The following DAB1 variants were observed in gnomAD, a reference collection of about 807,000 sequenced individuals.
The protein encoded by DAB1 is DAB adaptor protein 1.
In DAB1, 15 loss-of-function variants were observed where a neutral mutation model predicts 64.6. The observed-to-expected ratio is 0.23, with a 90% CI of 0.16 to 0.36. DAB1 has a LOEUF of 0.36. Ranked by LOEUF, DAB1 falls within the 10% of genes least tolerant of loss-of-function variation. The probability of loss-of-function intolerance (pLI) is 1.00; values close to 1 mark genes in which losing one functional copy is unlikely to be tolerated. For missense variants in DAB1, 596 were observed against 706.7 expected, an observed-to-expected ratio of 0.84 and a Z score of 1.78; for synonymous variants, 235 against 251.9, an observed-to-expected ratio of 0.93 and a Z score of 0.64.
intron 2 of DAB1, among the ~76,000 whole-genome samples, chr1:57,272,800 C>T (rs1453994523): frequency 1.3e-5 from 2 of 152,238 alleles, no homozygotes; most frequent in East Asian, 3.9e-4. Flanking sequence ...TCAAGAAATA[C>T]AACTTTCAGC....
chr1:57,857,914 T>C (rs1653831626), intron 1 of DAB1, among the ~76,000 whole-genome samples: 3 of 149,386 alleles, frequency 2.0e-5, no homozygotes, highest in Admixed American at 2.0e-4. Flanking sequence ...TCCAAGGTTC[T>C]TATTTTTAAA....
chr1:57,825,518 G>A (rs1032623347), downstream of DAB1, among the ~76,000 whole-genome samples: 4 of 152,138 alleles, frequency 2.6e-5, no homozygotes, highest in African/African-American at 7.2e-5. Context: ...AAAAGATGAA[G>A]GATCATCACA....
intron 1 of DAB1, among the ~76,000 whole-genome samples, chr1:57,396,004 A>G (rs1338778981): frequency 6.6e-6 from 1 of 152,256 alleles, no homozygotes; most frequent in Non-Finnish European, 1.5e-5. Context: ...ACAGCAGCAT[A>G]GCAGGCAACA....
chr1:57,470,762 C>CA (rs1210168135), intron 7 of DAB1, among the ~76,000 whole-genome samples: 2 of 152,156 alleles, frequency 1.3e-5, no homozygotes, highest in Non-Finnish European at 2.9e-5. Flanking sequence ...AAAATCAGCA[C>CA]AAAAGAGCTA....
chr1:57,247,221 G>C (rs1168237029), intron 2 of DAB1, among the ~76,000 whole-genome samples: 1 of 152,272 alleles, frequency 6.6e-6, no homozygotes, highest in East Asian at 1.9e-4. Flanking sequence ...CACACGTCAG[G>C]AGAGGGGCCT....
intron 1 of DAB1, among the ~76,000 whole-genome samples, chr1:57,371,201 ATGGAGAC>A (rs1680467211): frequency 6.6e-6 from 1 of 152,214 alleles, no homozygotes; most frequent in African/African-American, 2.4e-5. Flanking sequence ...CAACCGAGGC[ATGGAGAC>A]TGAATTTCAA....
At chr1:58,385,884 G>A (rs570450254) in intron 3 of DAB1, among the ~76,000 whole-genome samples, 58 of 152,286 alleles carry the variant, frequency 3.8e-4, no homozygotes, top group African/African-American at 1.4e-3. Context: ...GTCAGAGCGA[G>A]GATTCCTCGT....
At chr1:58,522,065 A>G (rs977082863) in intron 2 of DAB1, among the ~76,000 whole-genome samples, 4 of 152,252 alleles carry the variant, frequency 2.6e-5, no homozygotes, top group Admixed American at 2.6e-4. Flanking sequence ...AAAATTAGGT[A>G]TATTTCCCCA....
chr1:58,351,941 G>A (rs1319565927), intron 3 of DAB1, among the ~76,000 whole-genome samples: 1 of 150,200 alleles, frequency 6.7e-6, no homozygotes, highest in East Asian at 2.0e-4. Flanking sequence ...GGAGTAGGAT[G>A]GGAATGCAAG....
intron 7 of DAB1, among the ~76,000 whole-genome samples, chr1:57,490,715 C>T (rs2691464): frequency 0.1 from 15,975 of 152,148 alleles, 2,155 homozygotes; most frequent in African/African-American, 0.31. Context: ...ATAACTACTG[C>T]TATTTGAACA....
intron 3 of DAB1, among the ~76,000 whole-genome samples, chr1:58,380,463 C>A (rs1372985718): frequency 6.6e-6 from 1 of 152,202 alleles, no homozygotes; most frequent in Non-Finnish European, 1.5e-5. Context: ...TCAGGCAGTT[C>A]TTCATAGCAG....
chr1:57,834,403 A>G lies in DAB1; in HGVS notation n.88-7948T>C, dbSNP rs1401601721. ...CTTTTTTGAACACAGTAGATACTCA[A>G]TGAGTAATTATTGTGGAATAGATAC... On this transcript the variant is annotated intron_variant and non_coding_transcript_variant, in intron 1 of 1. Transcript: ENST00000477280. 2.6e-5 allele frequency among the ~76,000 whole-genome samples: 4 copies of G among 152,176 alleles called. No homozygotes were observed. The East Asian group carries it at 5.8e-4, about 22-fold the overall frequency.
upstream of DAB1, among the ~76,000 whole-genome samples, chr1:57,428,481 A>G (rs1009690471): frequency 3.9e-5 from 6 of 152,206 alleles, no homozygotes; most frequent in African/African-American, 1.4e-4. Context: ...GATGTCGCCA[A>G]TGGTAGGATT....
At chr1:57,343,199 C>A (rs1677775439) in intron 1 of DAB1, among the ~76,000 whole-genome samples, 1 of 152,162 alleles carries the variant, frequency 6.6e-6, no homozygotes, top group Non-Finnish European at 1.5e-5. Context: ...TCCAAGTCCC[C>A]ACCAGAGTAG....
At chr1:58,006,762 G>A (rs1437282476) in intron 5 of DAB1, among the ~76,000 whole-genome samples, 5 of 152,110 alleles carry the variant, frequency 3.3e-5, no homozygotes, top group Non-Finnish European at 5.9e-5. Flanking sequence ...TCCCTCTCTC[G>A]CAAGCACCTC....
chr1:57,674,148 A>G (rs1646539239), intron 6 of DAB1, among the ~76,000 whole-genome samples: 1 of 152,176 alleles, frequency 6.6e-6, no homozygotes, highest in Admixed American at 6.5e-5. Context: ...ATGTGTTTAC[A>G]CCATCTGGTC....
intron 4 of DAB1, among the ~76,000 whole-genome samples, chr1:57,134,652 G>A (rs1657926540): frequency 6.6e-6 from 1 of 151,974 alleles, no homozygotes; most frequent in Non-Finnish European, 1.5e-5. Context: ...ACCTGCACAT[G>A]TACCCCTGAA....
At chr1:57,567,947 A>C (rs1207044065) in intron 7 of DAB1, among the ~76,000 whole-genome samples, 1 of 152,220 alleles carries the variant, frequency 6.6e-6, no homozygotes, top group African/African-American at 2.4e-5. Flanking sequence ...TATGGAACCA[A>C]AAAAGAGCCC....
At chr1:57,694,787 G>A (rs1646804324) in intron 6 of DAB1, among the ~76,000 whole-genome samples, 1 of 151,932 alleles carries the variant, frequency 6.6e-6, no homozygotes, top group Admixed American at 6.6e-5. Context: ...AACAACTCAT[G>A]GCCACTCTTG....
Sources: allele counts gnomAD v4.1 joint callset (sites outside exome capture counted in the v4.1 genomes callset), GRCh38; gene constraint gnomAD v4.1.1; transcripts MANE v1.5; gene names NCBI Gene and HGNC (gene_info 2026-07-23, HGNC 2026-07-21).